CREB5: variants seen among roughly 807,000 people sequenced by gnomAD.
The protein encoded by CREB5 is cAMP responsive element binding protein 5.
CREB5 carries 19 observed loss-of-function variants against 57.1 expected under a neutral mutation model. The ratio of observed to expected loss-of-function variants is 0.33; its 90% CI spans 0.23 to 0.49. The LOEUF is 0.49. Ranked by LOEUF, CREB5 falls within the 20% of genes least tolerant of loss-of-function variation. The probability of loss-of-function intolerance (pLI) is 0.99; values close to 1 mark genes in which losing one functional copy is unlikely to be tolerated. For missense variants in CREB5, 579 were observed against 671.6 expected (o/e 0.86, Z 1.52); for synonymous variants, 238 against 238.3 (o/e 1.00, Z 0.01).
chr7:28,461,250 T>C (rs1291742000), intron 1 of CREB5, among the ~76,000 whole-genome samples: 1 of 149,512 alleles, frequency 6.7e-6, no homozygotes, highest in Non-Finnish European at 1.5e-5. Context: ...AAAAAAGATA[T>C]AGTCCCCAGA....
intron 1 of CREB5, among the ~76,000 whole-genome samples, chr7:28,476,125 T>A (rs767863825): frequency 2.6e-5 from 4 of 152,156 alleles, no homozygotes; most frequent in Non-Finnish European, 5.9e-5. Flanking sequence ...CAGAGCCAAG[T>A]TGGAACACAG....
At chr7:28,461,409 G>A (rs1254572526) in intron 1 of CREB5, among the ~76,000 whole-genome samples, 1 of 137,814 alleles carries the variant, frequency 7.3e-6, no homozygotes. Flanking sequence ...AGTTTTTGAT[G>A]GGTATCTTTT....
At chr7:28,617,759 G>T (rs557739909) in intron 5 of CREB5, among the ~76,000 whole-genome samples, 2 of 152,152 alleles carry the variant, frequency 1.3e-5, no homozygotes, top group Admixed American at 6.5e-5. Flanking sequence ...AAAGAGCAGC[G>T]CTCTATTTTT....
intron 7 of CREB5, among the ~76,000 whole-genome samples, chr7:28,761,005 G>T (rs567460916): frequency 1.5e-4 from 23 of 152,324 alleles, no homozygotes; most frequent in Non-Finnish European, 2.9e-4. Flanking sequence ...GGAGGCTCAT[G>T]TTACAGGAAA....
intron 1 of CREB5, among the ~76,000 whole-genome samples, chr7:28,402,064 C>G (rs1787476658): frequency 6.6e-6 from 1 of 152,228 alleles, no homozygotes. Context: ...CACATCCTCT[C>G]CAGCACCTGT....
chr7:28,582,672 C>G (rs1796163865), intron 5 of CREB5, among the ~76,000 whole-genome samples: 1 of 151,992 alleles, frequency 6.6e-6, no homozygotes, highest in South Asian at 2.1e-4. Context: ...ATTTTCAGTC[C>G]TTATCTCCAG....
chr7:28,369,651 T>C (rs761661423), intron 1 of CREB5, among the ~76,000 whole-genome samples: 7 of 152,190 alleles, frequency 4.6e-5, no homozygotes, highest in African/African-American at 9.7e-5. Context: ...TTCCTTTTAC[T>C]GCTTTGTCCA....
intron 1 of CREB5, among the ~76,000 whole-genome samples, chr7:28,479,190 G>A (rs997735234): frequency 8.5e-5 from 13 of 152,072 alleles, no homozygotes; most frequent in South Asian, 2.1e-4. Flanking sequence ...GCAGTTGTGG[G>A]TACTTATACT....
At chr7:28,503,103 G>T (rs1049160442) in intron 3 of CREB5, among the ~76,000 whole-genome samples, 1 of 152,184 alleles carries the variant, frequency 6.6e-6, no homozygotes, top group Admixed American at 6.5e-5. Flanking sequence ...GCATTGAGCC[G>T]TATGCTTGTC....
intron 7 of CREB5, among the ~76,000 whole-genome samples, chr7:28,798,189 C>T (rs1005952704): frequency 6.6e-6 from 1 of 152,188 alleles, no homozygotes; most frequent in African/African-American, 2.4e-5. Context: ...AATACTCCAA[C>T]CTTCCTCACT....
chr7:28,598,603 A>C (rs1272840675), intron 5 of CREB5, among the ~76,000 whole-genome samples: 1 of 152,152 alleles, frequency 6.6e-6, no homozygotes, highest in Non-Finnish European at 1.5e-5. Flanking sequence ...TGGTGAGTCC[A>C]TTAAGCTATT....
intron 5 of CREB5, among the ~76,000 whole-genome samples, chr7:28,640,291 C>T (rs1798599542): frequency 6.6e-6 from 1 of 152,168 alleles, no homozygotes; most frequent in Non-Finnish European, 1.5e-5. Context: ...CCATGTTTAC[C>T]ATGTGAACTC....
intron 5 of CREB5, among the ~76,000 whole-genome samples, chr7:28,602,328 T>C (rs1312535423): frequency 6.6e-6 from 1 of 152,132 alleles, no homozygotes; most frequent in Non-Finnish European, 1.5e-5. Context: ...GGTTTCGCCA[T>C]GTTGGCCAGG....
In CREB5 at chr7:28,332,032, AT is replaced by A. The variant is rs543604476; in HGVS notation, c.-25+32593del. 3.9e-5 allele frequency among the ~76,000 whole-genome samples: 6 copies of A among 152,256 alleles called. No individual in the cohort carries two copies. The South Asian group carries it at 1.2e-3, about 32-fold the overall frequency. Reference sequence around the variant, plus strand: ...GGATCTTGGAATGATACCATCCTGGATTATTTGGATAGGCCCTAAATTCAAG... The same window carrying A: ...GGATCTTGGAATGATACCATCCTGGATATTTGGATAGGCCCTAAATTCAAG... On this transcript the variant is annotated intron_variant, in intron 1 of 9. Coordinates refer to the CREB5 transcript ENST00000396299.
intron 4 of CREB5, among the ~76,000 whole-genome samples, chr7:28,534,557 C>A (rs1023331642): frequency 6.6e-6 from 1 of 152,224 alleles, no homozygotes; most frequent in Admixed American, 6.5e-5. Context: ...CCCAGTGTAA[C>A]AGGGCACTTC....
intron 1 of CREB5, chr7:28,435,614 G>T: frequency 1.0e-6 from 1 of 985,058 alleles, no homozygotes; most frequent in Non-Finnish European, 1.2e-6. Flanking sequence ...CAAAAGGCAA[G>T]TTTTAGTGGT....
At chr7:28,665,287 G>C (rs1416076673) in intron 5 of CREB5, among the ~76,000 whole-genome samples, 1 of 152,142 alleles carries the variant, frequency 6.6e-6, no homozygotes, top group Non-Finnish European at 1.5e-5. Context: ...CTACAGCCCA[G>C]CTAAAAGGGC....
At chr7:28,801,841 C>G (rs1808382020) in intron 7 of CREB5, among the ~76,000 whole-genome samples, 1 of 151,832 alleles carries the variant, frequency 6.6e-6, no homozygotes, top group African/African-American at 2.4e-5. Flanking sequence ...AATCCCAGCT[C>G]TTTGGGAGGC....
intron 1 of CREB5, among the ~76,000 whole-genome samples, chr7:28,472,476 A>T (rs1018358852): frequency 7.9e-5 from 12 of 152,184 alleles, no homozygotes; most frequent in African/African-American, 2.7e-4. Context: ...GTGTGATTTG[A>T]CCTCAAGCTG....
Sources: allele counts gnomAD v4.1 joint callset (sites outside exome capture counted in the v4.1 genomes callset), GRCh38; gene constraint gnomAD v4.1.1; transcripts MANE v1.5; gene names NCBI Gene and HGNC (gene_info 2026-07-23, HGNC 2026-07-21).